Variants in USP48 observed in about 807,000 individuals in gnomAD.
USP48 encodes ubiquitin specific peptidase 48.
Under a neutral mutation model 150.7 loss-of-function variants are expected in USP48, and 43 were observed. The ratio of observed to expected loss-of-function variants is 0.29; its 90% CI spans 0.22 to 0.37. USP48 has a LOEUF of 0.37. Ranked by LOEUF, USP48 falls within the 10% of genes least tolerant of loss-of-function variation. USP48 has a pLI of 1.00. For missense variants in USP48, 813 were observed against 1,249.6 expected (o/e 0.65, Z 5.27); for synonymous variants, 396 against 425.9 (o/e 0.93, Z 0.86).
intron 1 of USP48, among the ~76,000 whole-genome samples, chr1:21,774,746 C>A (rs2097892967): frequency 6.6e-6 from 1 of 151,798 alleles, no homozygotes; most frequent in Admixed American, 6.6e-5. Flanking sequence ...AATCTCAACA[C>A]TTCGGGAGGC....
chr1:21,728,332 C>A, intron 11 of USP48: 1 of 1,271,768 alleles, frequency 7.9e-7, no homozygotes, highest in Non-Finnish European at 9.9e-7. Flanking sequence ...AGAGTGCTGA[C>A]CTAAATGTTA....
At chr1:21,752,424 T>C in intron 5 of USP48, 103 bp downstream of exon 5, 1 of 1,381,840 alleles carries the variant, frequency 7.2e-7, no homozygotes, top group East Asian at 2.4e-5. Flanking sequence ...GGTCCCATGA[T>C]AAACCACTAA....
At position 21,783,056 on chromosome 1, in the gene USP48, G is replaced by T; in HGVS notation, c.-99C>A. Reference sequence around the variant, plus strand: ...GGGCTTCGCCACCTGCCAGCAAGGAGGACCTGGCGCTCCTTCAGGCAGCTG... The same window carrying T: ...GGGCTTCGCCACCTGCCAGCAAGGATGACCTGGCGCTCCTTCAGGCAGCTG... On this transcript the variant is annotated 5_prime_UTR_variant, in exon 1 of 27. Transcript: ENST00000308271. 1 of 1,391,238 alleles carries T rather than the reference G, an allele frequency of 7.2e-7. No homozygotes were observed. The highest frequency in any genetic ancestry group is 9.3e-7 in the Non-Finnish European group (1 of 1,079,444). The allele number at this position is 1,391,238 out of a possible 1,614,324, so 86.2% of individuals were successfully genotyped here.
At chr1:21,713,459 G>A (rs184712313) in intron 15 of USP48, among the ~76,000 whole-genome samples, 104 of 152,262 alleles carry the variant, frequency 6.8e-4, no homozygotes, top group African/African-American at 2.2e-3. Flanking sequence ...GTGTCCTGAA[G>A]CAACATTCGG....
chr1:21,695,390 C>T (rs1241407434), intron 22 of USP48, among the ~76,000 whole-genome samples, 169 bp from the exon 23 acceptor site: 1 of 152,074 alleles, frequency 6.6e-6, no homozygotes, highest in Non-Finnish European at 1.5e-5. Flanking sequence ...AGCAGGCTCA[C>T]ATAAAATTGA....
chr1:21,778,942 C>T (rs902769975), intron 1 of USP48, among the ~76,000 whole-genome samples: 7 of 151,876 alleles, frequency 4.6e-5, no homozygotes, highest in Admixed American at 1.3e-4. Context: ...CCACCATGCC[C>T]GGCTAATTTT....
intron 22 of USP48, among the ~76,000 whole-genome samples, chr1:21,700,859 A>G (rs2930011): frequency 0.81 from 123,311 of 151,938 alleles, 50,760 homozygotes; most frequent in Admixed American, 0.88. Flanking sequence ...GGATCATGAC[A>G]TCAGGAGTTC....
chr1:21,779,620 A>C (rs181908375), intron 1 of USP48, among the ~76,000 whole-genome samples: 1 of 152,260 alleles, frequency 6.6e-6, no homozygotes, highest in African/African-American at 2.4e-5. Flanking sequence ...TTGCTCTATA[A>C]CCAAGAGAAA....
At chr1:21,687,469 A>G (rs1051402925) in intron 24 of USP48, among the ~76,000 whole-genome samples, 3 of 152,206 alleles carry the variant, frequency 2.0e-5, no homozygotes, top group African/African-American at 4.8e-5. Context: ...TGTGAAGAGG[A>G]AAGGCAGGGG....
chr1:21,697,460 G>A (rs909571187), intron 22 of USP48, among the ~76,000 whole-genome samples: 2 of 152,056 alleles, frequency 1.3e-5, no homozygotes, highest in African/African-American at 2.4e-5. Context: ...TCAGGAGATT[G>A]AGACCATCCT....
intron 1 of USP48, among the ~76,000 whole-genome samples, chr1:21,772,670 C>T (rs940219248): frequency 1.3e-5 from 2 of 151,238 alleles, no homozygotes; most frequent in Non-Finnish European, 2.9e-5. Context: ...GCCTATAATC[C>T]CAGCACTTTG....
intron 22 of USP48, among the ~76,000 whole-genome samples, chr1:21,697,477 C>T (rs989374253): frequency 8.6e-5 from 13 of 152,026 alleles, no homozygotes; most frequent in Admixed American, 4.6e-4. Context: ...TCCTGGCTAA[C>T]ATGGTGAAAC....
Position 21,695,051 on chromosome 1 carries a change from A to AGGACTT in USP48, c.2883+14_2883+15insAAGTCC, listed in dbSNP as rs774600124. On this transcript the variant is annotated intron_variant, in intron 23 of 26. Coordinates refer to ENST00000308271, the MANE Select transcript of USP48 (RefSeq NM_032236.8). ...TTTTAAGTCCAGAGCAAACTTGAAC[A>AGGACTT]AATGTTTCCCTCACCTGAATTTTCA... 1 of 1,605,706 alleles carries AGGACTT rather than the reference A, an allele frequency of 6.2e-7. No individual in the cohort carries two copies. The highest frequency in any genetic ancestry group is 8.5e-7 in the Non-Finnish European group (1 of 1,176,882).
Position 21,694,572 on chromosome 1 carries a change from CAA to C in USP48, c.2883+492_2883+493del, listed in dbSNP as rs1204062748. On this transcript the variant is annotated intron_variant, in intron 23 of 26. Coordinates refer to ENST00000308271, the MANE Select transcript of USP48 (RefSeq NM_032236.8). ...GTGACAGAGTGAGGCTCTGTCTCAC[CAA>C]AAAAAAAAAAAAAAAAAAAAAAAAA... Among the ~76,000 whole-genome samples the C allele has an allele frequency of 6.7e-4, 8 of 12,020 alleles. No individual in the cohort carries two copies. The East Asian group carries it at 0.02, about 30-fold the overall frequency. 7.9% of individuals were successfully genotyped at this position (12,020 alleles called of 152,430 possible).
At chr1:21,725,070 T>C (rs972563136) in intron 11 of USP48, 14 of 152,216 alleles carry the variant, frequency 9.2e-5, no homozygotes, top group Middle Eastern at 3.2e-3. Flanking sequence ...GAGAGTTACA[T>C]GTCTAGAAAA....
chr1:21,735,591 A>G (rs1408528913), intron 9 of USP48, among the ~76,000 whole-genome samples: 1 of 152,200 alleles, frequency 6.6e-6, no homozygotes, highest in Admixed American at 6.5e-5. Flanking sequence ...TCTCTATTAA[A>G]AATAGAAAAA....
chr1:21,725,552 G>A (rs1017299311), intron 11 of USP48, among the ~76,000 whole-genome samples: 4 of 152,110 alleles, frequency 2.6e-5, no homozygotes, highest in African/African-American at 4.8e-5. Flanking sequence ...CAGAGTTTGA[G>A]ACCAGCCTGA....
chr1:21,687,562 A>G (rs892952907), intron 24 of USP48, among the ~76,000 whole-genome samples: 1 of 152,242 alleles, frequency 6.6e-6, no homozygotes, highest in African/African-American at 2.4e-5. Flanking sequence ...GATTAAACCA[A>G]TGTGAGCTAA....
intron 8 of USP48, among the ~76,000 whole-genome samples, chr1:21,743,408 C>T (rs144512836): frequency 6.6e-6 from 1 of 152,292 alleles, no homozygotes; most frequent in East Asian, 1.9e-4. Context: ...AGGTTGTTAA[C>T]TATCACGGAC....
Sources: gnomAD v4.1 joint callset for allele counts (sites outside exome capture counted in the v4.1 genomes callset) on GRCh38, gnomAD v4.1.1 for gene constraint, MANE v1.5 for transcripts, NCBI Gene and HGNC (gene_info 2026-07-23, HGNC 2026-07-21) for gene names.